Variants in ZNF469 observed in about 807,000 individuals in gnomAD.
ZNF469 encodes the protein zinc finger protein 469.
In ZNF469, 1 loss-of-function variant was observed where a neutral mutation model predicts 1.0. That is an observed-to-expected ratio of 1.00 (90% CI 0.35 to 4.73). The LOEUF (loss-of-function observed/expected upper bound fraction) is 4.73. Among genes scored for constraint, ZNF469 ranks in the 30% most tolerant of loss-of-function variants. ZNF469 has a pLI of 0.16. For missense variants in ZNF469, 6,100 were observed against 5,356.3 expected, an observed-to-expected ratio of 1.14 and a Z score of -4.33; for synonymous variants, 2,703 against 2,363.4, an observed-to-expected ratio of 1.14 and a Z score of -4.17.
chr16:88,350,117 C>T, the ZNF469 span, among the ~76,000 whole-genome samples: 8 of 152,154 alleles, frequency 5.3e-5, no homozygotes, highest in Non-Finnish European at 8.8e-5. Context: ...CCCCTTGGGG[C>T]GGAGGGTGCA....
At chr16:88,253,950 C>T in the ZNF469 span, among the ~76,000 whole-genome samples, 3 of 146,006 alleles carry the variant, frequency 2.1e-5, no homozygotes, top group African/African-American at 7.5e-5. Flanking sequence ...ATATTTTCTC[C>T]TAGTCTGTAG....
At chr16:88,391,792 G>A (rs1402071550) in intron 1 of ZNF469, among the ~76,000 whole-genome samples, 1 of 152,222 alleles carries the variant, frequency 6.6e-6, no homozygotes, top group Non-Finnish European at 1.5e-5. Flanking sequence ...AACATCTCTT[G>A]GCTGGAAATT....
the ZNF469 span, among the ~76,000 whole-genome samples, chr16:88,150,046 G>C: frequency 6.6e-6 from 1 of 152,242 alleles, no homozygotes; most frequent in Non-Finnish European, 1.5e-5. Flanking sequence ...AGTGATTCAT[G>C]CCTATAATCC....
At chr16:88,238,648 GA>G in the ZNF469 span, among the ~76,000 whole-genome samples, 1 of 152,176 alleles carries the variant, frequency 6.6e-6, no homozygotes, top group African/African-American at 2.4e-5. Flanking sequence ...ATATATCTGA[GA>G]ACATTCAGGA....
the ZNF469 span, among the ~76,000 whole-genome samples, chr16:88,354,039 G>T: frequency 2.0e-5 from 3 of 152,214 alleles, no homozygotes; most frequent in Non-Finnish European, 2.9e-5. Context: ...AGGACACAGG[G>T]CCAGGGACCG....
intron 2 of ZNF469, among the ~76,000 whole-genome samples, chr16:88,425,387 C>T (rs964750804): frequency 2.6e-5 from 4 of 152,208 alleles, no homozygotes; most frequent in Admixed American, 1.3e-4. Context: ...TTCCTACCCC[C>T]AACCCTGCAG....
the ZNF469 span, among the ~76,000 whole-genome samples, chr16:88,338,880 C>T: frequency 2.0e-5 from 3 of 152,180 alleles, no homozygotes; most frequent in African/African-American, 4.8e-5. Flanking sequence ...TCAGGAGGAG[C>T]GTGGCCCTGC....
chr16:88,337,799 C>A, the ZNF469 span, among the ~76,000 whole-genome samples: 5 of 152,194 alleles, frequency 3.3e-5, no homozygotes, highest in Non-Finnish European at 7.3e-5. Context: ...TGGAGAAGCC[C>A]ACTCAGATAC....
chr16:88,219,590 C>T, the ZNF469 span, among the ~76,000 whole-genome samples: 1 of 149,216 alleles, frequency 6.7e-6, no homozygotes, highest in Non-Finnish European at 1.5e-5. Context: ...AACTGGATCC[C>T]TTCCTTACAC....
chr16:88,253,098 A>G, the ZNF469 span, among the ~76,000 whole-genome samples: 7 of 152,306 alleles, frequency 4.6e-5, no homozygotes, highest in South Asian at 2.1e-4. Context: ...GTTTCAGGTC[A>G]CTTACTTGTT....
rs932112589 is a variant in ZNF469, at chr16:88,434,833, C to T, written c.7363C>T (p.Pro2455Ser). 6.5e-7 allele frequency: 1 copy of T among 1,550,368 alleles called. No individual in the cohort carries two copies. The highest frequency in any genetic ancestry group is 2.4e-5 in the East Asian group (1 of 40,920). ...GAGGTCCCGTGGCTATAAAAAGAAG[C>T]CTGCATCTACAGAGAACGGCCAGTG... ...KQRSRGYKKK[P>S]ASTENGQWKG... Residue 2455 changes from proline (P) to serine (S), a missense_variant, in exon 3 of 3, where the codon CCT becomes TCT. Physicochemically the swap from Pro to Ser is moderately conservative, Grantham distance 74. Transcript: ENST00000565624.
chr16:88,153,513 C>A, the ZNF469 span, among the ~76,000 whole-genome samples: 2,269 of 152,294 alleles, frequency 0.015, 36 homozygotes, highest in African/African-American at 0.052. Flanking sequence ...GAAGGATGCA[C>A]CTGCCCGTCA....
Position 88,430,374 on chromosome 16 carries a change from G to T in ZNF469, c.2904G>T (p.Gly968=), listed in dbSNP as rs2142302682. The change falls in exon 3 of 3, where the codon GGG becomes GGT. Residue 968 remains glycine (G), a synonymous_variant. Transcript: ENST00000565624. ...LDSGGAAEGS[G]SGGGGRASGL... ...CGGGCGGCGCAGCAGAGGGGTCGGGGTCGGGCGGCGGCGGCAGAGCCTCCG... is the reference window on the plus strand; with the variant it reads ...CGGGCGGCGCAGCAGAGGGGTCGGGTTCGGGCGGCGGCGGCAGAGCCTCCG... 6.6e-7 allele frequency: 1 copy of T among 1,516,778 alleles called. No individual in the cohort carries two copies. Among genetic ancestry groups the T allele is most frequent in the African/African-American group, 1.4e-5 (1 of 72,498 alleles). 94.0% of individuals were successfully genotyped at this position (1,516,778 alleles called of 1,614,324 possible).
At position 88,430,443 on chromosome 16, in the gene ZNF469, A is replaced by G; in HGVS notation, c.2973A>G (p.Pro991=). The G allele has an allele frequency of 3.3e-6, 5 of 1,496,262 alleles. No individual in the cohort carries two copies. Among genetic ancestry groups the G allele is most frequent in the Non-Finnish European group, 4.4e-6 (5 of 1,128,308 alleles). The allele number at this position is 1,496,262 out of a possible 1,614,324, so 92.7% of individuals were successfully genotyped here. ...ACGACGGTCTCGGGGAGCGGCCCCC[A>G]CCCCGTCCCCGGCGCCCTAGAACGC... ...RRNDGLGERP[P]PRPRRPRTQA... is the part of the protein sequence containing the mutation. The change falls in exon 3 of 3, where the codon CCA becomes CCG. Residue 991 remains proline, a synonymous_variant. Transcript: ENST00000565624.
chr16:88,166,734 C>T, the ZNF469 span, among the ~76,000 whole-genome samples: 1 of 151,080 alleles, frequency 6.6e-6, no homozygotes, highest in Non-Finnish European at 1.5e-5. This position sits in a 1 kb window ranked among gnomAD's most constrained non-coding sequence, Gnocchi z 4.5. Context: ...GCCTTTCCTA[C>T]TCCGTGGATC....
intron 1 of ZNF469, among the ~76,000 whole-genome samples, chr16:88,419,765 G>A (rs952033721): frequency 6.6e-6 from 1 of 152,240 alleles, no homozygotes; most frequent in African/African-American, 2.4e-5. Flanking sequence ...AGCCTCGGCT[G>A]AAGAGTCACA....
chr16:88,159,699 C>A, the ZNF469 span, among the ~76,000 whole-genome samples: 1 of 152,154 alleles, frequency 6.6e-6, no homozygotes, highest in South Asian at 2.1e-4. Flanking sequence ...ACTTTCCTAT[C>A]ATTTAAAATT....
the ZNF469 span, among the ~76,000 whole-genome samples, chr16:88,250,782 T>A: frequency 1.3e-5 from 2 of 152,242 alleles, no homozygotes; most frequent in Non-Finnish European, 2.9e-5. Context: ...TTTTAAAATC[T>A]CAGTCATGGT....
chr16:88,112,802 G>C, the ZNF469 span, among the ~76,000 whole-genome samples: 1 of 100,400 alleles, frequency 1.0e-5, no homozygotes, highest in Non-Finnish European at 1.9e-5. Context: ...TTTTGAGATG[G>C]AGTCTTGCTC....
Sources: allele counts gnomAD v4.1 joint callset (sites outside exome capture counted in the v4.1 genomes callset), GRCh38; gene constraint gnomAD v4.1.1; non-coding constraint Gnocchi (gnomAD v3.1); transcripts MANE v1.5; gene names NCBI Gene and HGNC (gene_info 2026-07-23, HGNC 2026-07-21).